Variants in SWAP70 observed in about 807,000 individuals in gnomAD.
SWAP70 encodes the protein switching B cell complex subunit SWAP70, also known as switch-associated protein 70.
SWAP70 carries 34 observed loss-of-function variants against 80.2 expected under a neutral mutation model. The observed-to-expected ratio is 0.42, with a 90% CI of 0.32 to 0.56. SWAP70 has a LOEUF of 0.56. Ranked by LOEUF, SWAP70 falls within the 20% of genes least tolerant of loss-of-function variation. SWAP70 has a pLI of 0.09. For synonymous variants in SWAP70, 239 were observed against 238.5 expected (o/e 1.00, Z -0.02); for missense variants, 578 against 690.7 (o/e 0.84, Z 1.83).
intron 1 of SWAP70, among the ~76,000 whole-genome samples, chr11:9,674,800 C>CA (rs1383514231): frequency 1.3e-5 from 2 of 151,184 alleles, no homozygotes; most frequent in Non-Finnish European, 2.9e-5. Context: ...CCTTCTCTAC[C>CA]AAAAATACAA....
intron 1 of SWAP70, among the ~76,000 whole-genome samples, chr11:9,672,154 AAAT>A (rs1418018158): frequency 7.7e-6 from 1 of 129,274 alleles, no homozygotes; most frequent in East Asian, 2.2e-4. Context: ...TAATATTTAT[AAAT>A]AATATATTTA....
chr11:9,713,357 G>A (rs919725295), intron 2 of SWAP70, 109 bp from the exon 3 acceptor site: 18 of 1,122,812 alleles, frequency 1.6e-5, no homozygotes, highest in Non-Finnish European at 2.2e-5. Flanking sequence ...TTGGTTAATT[G>A]GATTGATTAA....
intron 7 of SWAP70, among the ~76,000 whole-genome samples, chr11:9,734,294 G>A (rs1851336937): frequency 1.3e-5 from 2 of 152,174 alleles, no homozygotes; most frequent in South Asian, 4.1e-4. Context: ...CATACAGAAT[G>A]TACATTTTAA....
chr11:9,670,757 T>C (rs1243870471), intron 1 of SWAP70, among the ~76,000 whole-genome samples: 1 of 151,894 alleles, frequency 6.6e-6, no homozygotes, highest in Admixed American at 6.6e-5. Context: ...TTATTTTCAT[T>C]TATTTATTTT....
intron 7 of SWAP70, among the ~76,000 whole-genome samples, chr11:9,735,534 AGT>A (rs1375481664): frequency 6.6e-6 from 1 of 152,222 alleles, no homozygotes; most frequent in African/African-American, 2.4e-5. Flanking sequence ...AATTCTCAGA[AGT>A]GGGAATGCTG....
Position 9,738,329 on chromosome 11 carries a change from C to A in SWAP70, c.1188+9C>A. 1.3e-6 allele frequency: 2 copies of A among 1,576,122 alleles called. No homozygotes were observed. Among genetic ancestry groups the A allele is most frequent in the Admixed American group, 1.8e-5 (1 of 54,234 alleles). ...TGGAAAGAGAGAAGCTTGTGAGTAT[C>A]ACATGGCTGGAGAAAGCAGCTGCAG... On this transcript the variant is annotated intron_variant, in intron 8 of 11. Transcript: ENST00000318950.
chr11:9,694,347 C>G (rs535544181), intron 2 of SWAP70, 61 bp downstream of exon 2: 1 of 1,507,504 alleles, frequency 6.6e-7, no homozygotes, highest in East Asian at 2.4e-5. Flanking sequence ...CAAGTGGGCC[C>G]AAAAGCCCCC....
chr11:9,733,856 C>T (rs187062596), intron 7 of SWAP70, among the ~76,000 whole-genome samples: 124 of 152,196 alleles, frequency 8.1e-4, no homozygotes, highest in African/African-American at 3.0e-3. Flanking sequence ...TATAAAATAG[C>T]TCGTACCTGT....
intron 1 of SWAP70, among the ~76,000 whole-genome samples, chr11:9,667,587 C>G (rs975755113): frequency 2.0e-5 from 3 of 151,688 alleles, no homozygotes; most frequent in African/African-American, 7.3e-5. Flanking sequence ...TTTTTGGAGA[C>G]AAGGTCTTTT....
intron 1 of SWAP70, among the ~76,000 whole-genome samples, chr11:9,671,252 A>G (rs1319296870): frequency 1.9e-4 from 17 of 89,612 alleles, no homozygotes; most frequent in Non-Finnish European, 3.2e-4. Flanking sequence ...ATATAAATAT[A>G]AAAATATATA....
At chr11:9,738,163 A>G (rs1173674335) in intron 7 of SWAP70, 50 bp from the exon 8 acceptor site, 3 of 1,335,176 alleles carry the variant, frequency 2.2e-6, no homozygotes, top group Non-Finnish European at 3.1e-6. Flanking sequence ...TCTTTAATGT[A>G]CTTCTACTCT....
In SWAP70 at chr11:9,732,640, T is replaced by G; in HGVS notation, c.1010T>G (p.Leu337Arg). 1 of 1,579,542 alleles carries G rather than the reference T, an allele frequency of 6.3e-7. No homozygotes were observed. The change falls in exon 7 of 12, where the codon CTG (leucine) becomes CGG (arginine). Residue 337 changes from leucine (L) to arginine (R), a missense_variant. Leu to Arg is a moderately radical substitution (Grantham distance 102). Transcript: ENST00000318950. ...RKKQLAEQEE[L>R]ERQMKELQAA... ...AAGCAGCTGGCTGAACAAGAGGAAC[T>G]GGAGCGACAAATGAAGGAACTCCAG...
chr11:9,725,720 C>T (rs940251063), intron 4 of SWAP70, among the ~76,000 whole-genome samples: 5 of 151,330 alleles, frequency 3.3e-5, no homozygotes, highest in African/African-American at 9.7e-5. Flanking sequence ...TACAGGTGTG[C>T]GCCACCACGT....
chr11:9,741,607 A>G (rs1401287090), intron 9 of SWAP70: 1 of 152,222 alleles, frequency 6.6e-6, no homozygotes, highest in African/African-American at 2.4e-5. Context: ...CGCAGGTGAA[A>G]TATGCTATAT....
At chr11:9,703,551 C>T (rs879713014) in intron 2 of SWAP70, 7 of 454,444 alleles carry the variant, frequency 1.5e-5, no homozygotes, top group Non-Finnish European at 2.7e-5. Flanking sequence ...GTAGAACCCA[C>T]CCTTCCCAGA....
rs1397494926 is a variant in SWAP70 at position 9,675,364 on chromosome 11, A to C, written c.99+11086A>C. Among the ~76,000 whole-genome samples the C allele has an allele frequency of 2.0e-3, 61 of 30,306 alleles. 12 individuals are homozygous for C. The highest frequency in any genetic ancestry group is 3.2e-3 in the Non-Finnish European group (41 of 12,662). 19.9% of individuals were successfully genotyped at this position (30,306 alleles called of 152,430 possible). A position where few individuals can be genotyped will look rare whatever the true frequency, so the allele number is the denominator to read the frequency against. On this transcript the variant is annotated intron_variant, in intron 1 of 11. Coordinates refer to ENST00000318950, the MANE Select transcript of SWAP70 (RefSeq NM_015055.4). ...GAGGGAGCGAGAGAGAGAGAGAGAG[A>C]GAGAGAGAGAGAGAGAGAGAGAGAG... is the stretch of plus-strand genomic sequence containing the variant.
chr11:9,709,302 T>A (rs1012751263), intron 2 of SWAP70, among the ~76,000 whole-genome samples: 1 of 145,352 alleles, frequency 6.9e-6, no homozygotes, highest in Non-Finnish European at 1.5e-5. Context: ...TTAAAAAAAA[T>A]GTTTTTGGTA....
At chr11:9,682,879 T>C (rs1456233798) in intron 1 of SWAP70, among the ~76,000 whole-genome samples, 2 of 152,192 alleles carry the variant, frequency 1.3e-5, no homozygotes, top group Non-Finnish European at 2.9e-5. Context: ...GTTTTTGCCA[T>C]GTTGGCAGGC....
chr11:9,731,076 T>C (rs9943665), intron 6 of SWAP70, among the ~76,000 whole-genome samples: 210 of 152,378 alleles, frequency 1.4e-3, no homozygotes, highest in African/African-American at 4.8e-3. Context: ...TAGTGGCCTC[T>C]AGCTGCATCC....
Sources: gnomAD v4.1 joint callset for allele counts (sites outside exome capture counted in the v4.1 genomes callset) on GRCh38, gnomAD v4.1.1 for gene constraint, MANE v1.5 for transcripts, NCBI Gene and HGNC (gene_info 2026-07-23, HGNC 2026-07-21) for gene names.